Variants in ARMC5 observed in about 807,000 individuals in gnomAD.
ARMC5 encodes the protein armadillo repeat containing 5, also known as armadillo repeat-containing protein 5.
ARMC5 carries 28 observed loss-of-function variants against 60.5 expected under a neutral mutation model. The ratio of observed to expected loss-of-function variants is 0.46; its 90% CI spans 0.34 to 0.63. The LOEUF is 0.63. Among genes scored for constraint, ARMC5 ranks in the 30% least tolerant of loss-of-function variants. ARMC5 has a pLI of 0.01. For missense variants in ARMC5, 1,189 were observed against 1,304.9 expected, an observed-to-expected ratio of 0.91 and a Z score of 1.37; for synonymous variants, 680 against 607.3, an observed-to-expected ratio of 1.12 and a Z score of -1.76.
At chr16:31,460,484 TAAA>T (rs1234120243) in intron 1 of ARMC5, among the ~76,000 whole-genome samples, 1 of 152,076 alleles carries the variant, frequency 6.6e-6, no homozygotes, top group Non-Finnish European at 1.5e-5. Flanking sequence ...AATAGCTACC[TAAA>T]AAAATCAGAG....
chr16:31,462,739 C>G lies in ARMC5; in HGVS notation c.1192C>G (p.Leu398Val). The G allele has an allele frequency of 1.2e-6, 2 of 1,613,816 alleles. No homozygotes were observed. Among genetic ancestry groups the G allele is most frequent in the Non-Finnish European group, 1.7e-6 (2 of 1,180,032 alleles). ...PRIVAALVGF[L>V]YDTGALGRLQ... ...TATTGTGGCTGCCCTTGTGGGGTTT[C>G]TGTATGACACTGGGGCCCTGGGCCG... Residue 398 changes from leucine (L) to valine (V), a missense_variant, in exon 3 of 6, where the codon CTG becomes GTG. By Grantham distance (32) the Leu-to-Val change is conservative. Transcript: ENST00000268314. This position sits in a 1 kb window ranked among gnomAD's most constrained non-coding sequence, Gnocchi z 7.2.
intron 1 of ARMC5, chr16:31,460,274 A>T: frequency 2.2e-6 from 1 of 456,916 alleles, no homozygotes; most frequent in Non-Finnish European, 3.9e-6. Context: ...CCAAAGAGTT[A>T]TTTGGTGATT....
intron 4 of ARMC5, chr16:31,465,586 G>C (rs998753417): frequency 7.6e-7 from 1 of 1,323,828 alleles, no homozygotes; most frequent in African/African-American, 1.5e-5. Context: ...GGAACAGCTC[G>C]TGTCCTCCGT....
Position 31,459,606 on chromosome 16 carries a change from G to C in ARMC5, c.82G>C (p.Gly28Arg). Residue 28 changes from glycine (G) to arginine (R), a missense_variant, in exon 1 of 6, where the codon GGT (glycine) becomes CGT (arginine). Gly to Arg is a moderately radical substitution (Grantham distance 125). Transcript: ENST00000268314. ...CGCGGCGGCGGCCGGGGAGGCTCTG[G>C]GTGGGGAAAAGGACCCAGCGACCAA... ...QLAAAAGEALGGEKDPATNET... is the reference protein window; with the variant it reads ...QLAAAAGEALRGEKDPATNET... 6.2e-7 allele frequency: 1 copy of C among 1,600,630 alleles called. No homozygotes were observed. The highest frequency in any genetic ancestry group is 8.5e-7 in the Non-Finnish European group (1 of 1,179,418).
chr16:31,460,193 G>T, intron 1 of ARMC5, 194 bp downstream of exon 1: 1 of 572,234 alleles, frequency 1.7e-6, no homozygotes, highest in Non-Finnish European at 2.9e-6. Flanking sequence ...AGCCCTCCCA[G>T]ACCAGATAAT....
In ARMC5 at chr16:31,459,521, C is replaced by G; in HGVS notation, c.-4C>G. The stretch of plus-strand genomic sequence containing the variant: ...GCGGGGCGGAGTCTGAGGCCCGAGC[C>G]AAGATGGCGGCTGCGAAGCCAACCC... On this transcript the variant is annotated 5_prime_UTR_variant, in exon 1 of 6. Coordinates refer to ENST00000268314, the MANE Select transcript of ARMC5 (RefSeq NM_001105247.2). The G allele has an allele frequency of 1.9e-6, 3 of 1,601,014 alleles. No individual in the cohort carries two copies. Among genetic ancestry groups the G allele is most frequent in the South Asian group, 1.1e-5 (1 of 89,068 alleles).
At position 31,459,541 on chromosome 16, in the gene ARMC5, C is replaced by T. The variant is rs1200822585; in HGVS notation, c.17C>T (p.Pro6Leu). The change falls in exon 1 of 6, where the codon CCA (proline) becomes CTA (leucine). Residue 6 changes from proline to leucine, a missense_variant. Around this residue, in one of 2 missense-constraint regions of ARMC5, gnomAD observed 327 missense variants for 233.7 expected, o/e 1.40. Transcript: ENST00000268314. ...CGAGCCAAGATGGCGGCTGCGAAGC[C>T]AACCCTCACGGACTCGCTCTCGTTC... MAAAK[P>L]TLTDSLSFCL... is the part of the protein sequence containing the mutation. 2.5e-6 allele frequency: 4 copies of T among 1,605,428 alleles called. No homozygotes were observed. In the Admixed American group the frequency reaches 6.7e-5, roughly 27 times the overall value.
chr16:31,458,466 G>A (rs1344774106), upstream of ARMC5: 5 of 1,535,616 alleles, frequency 3.3e-6, no homozygotes, highest in African/African-American at 4.1e-5. Flanking sequence ...CCAGATCAGA[G>A]CCACATCGGA....
chr16:31,462,068 G>T lies in ARMC5; in HGVS notation c.583+39G>T, dbSNP rs1465988961. On this transcript the variant is annotated intron_variant, in intron 2 of 5. Coordinates refer to ENST00000268314, the MANE Select transcript of ARMC5 (RefSeq NM_001105247.2). The surrounding 1 kb of genome is among the most constrained non-coding windows in gnomAD (Gnocchi z 7.2). The stretch of plus-strand genomic sequence containing the variant: ...AGGTTGGGGTCTGCTAGGGCTTGGG[G>T]CAGAAGAAAGGCTTGAGTGTCTGTC... 1 of 1,613,472 alleles carries T rather than the reference G, an allele frequency of 6.2e-7. No individual in the cohort carries two copies. The highest frequency in any genetic ancestry group is 8.5e-7 in the Non-Finnish European group (1 of 1,179,458).
At chr16:31,459,487 C>G (rs930518741), upstream of ARMC5, 4 of 1,576,594 alleles carry the variant, frequency 2.5e-6, no homozygotes, top group Non-Finnish European at 3.4e-6. Context: ...CTGGGATCAG[C>G]GGCGAGAAGC....
chr16:31,461,886 G>A (rs1224230172), intron 1 of ARMC5, 36 bp from the exon 2 acceptor site: 8 of 1,573,420 alleles, frequency 5.1e-6, no homozygotes, highest in African/African-American at 1.4e-5. Flanking sequence ...AGACAGTAAG[G>A]GGTAGAACCC....
chr16:31,459,974 C>G lies in ARMC5; in HGVS notation c.450C>G (p.Arg150=). The change falls in exon 1 of 6, where the codon CGC becomes CGG. Residue 150 remains arginine, a synonymous_variant. Coordinates refer to ENST00000268314, the MANE Select transcript of ARMC5 (RefSeq NM_001105247.2). ...AAGGGGCGTGCCGGACCGAAGTGCG[C>G]AGACTCGGAGGCATACTCCCTTTGG... is the stretch of plus-strand genomic sequence containing the variant. ...CTEGACRTEV[R]RLGGILPLVT... 1 of 1,600,020 alleles carries G rather than the reference C, an allele frequency of 6.2e-7. No individual in the cohort carries two copies.
rs543818575 is a variant in ARMC5 at position 31,465,682 on chromosome 16, C to T, written c.1865-168C>T. On this transcript the variant is annotated intron_variant, in intron 4 of 5. Coordinates refer to ENST00000268314, the MANE Select transcript of ARMC5 (RefSeq NM_001105247.2). Reference sequence around the variant, plus strand: ...TGACTGTCCCACCTTCTGTCCTTGTCCTGGACCTCAGGTTCCCAGCGTCCC... The same window carrying T: ...TGACTGTCCCACCTTCTGTCCTTGTTCTGGACCTCAGGTTCCCAGCGTCCC... The T allele has an allele frequency of 3.3e-5, 47 of 1,444,810 alleles. No homozygotes were observed. The African/African-American group carries it at 5.9e-4, about 18-fold the overall frequency. 89.5% of individuals were successfully genotyped at this position (1,444,810 alleles called of 1,614,324 possible).
chr16:31,464,855 G>T lies in ARMC5; in HGVS notation c.1832G>T (p.Arg611Leu), dbSNP rs749059520. Residue 611 changes from arginine (R) to leucine (L), a missense_variant, in exon 4 of 6, where the codon CGG (arginine) becomes CTG (leucine). Transcript: ENST00000268314. This position sits in a 1 kb window ranked among gnomAD's most constrained non-coding sequence, Gnocchi z 7.6. The stretch of plus-strand genomic sequence containing the variant: ...GACGATTGGCCGGCACCACGTGCCC[G>T]GCCCACTCTCCACAGCCGGCACCGA... ...APDDWPAPRARPTLHSRHREL... is the reference protein window; with the variant it reads ...APDDWPAPRALPTLHSRHREL... The T allele has an allele frequency of 1.3e-6, 2 of 1,599,154 alleles. No homozygotes were observed. Among genetic ancestry groups the T allele is most frequent in the East Asian group, 2.2e-5 (1 of 44,726 alleles).
Position 31,466,872 on chromosome 16 carries a change from G to A in ARMC5, c.2791G>A (p.Ala931Thr), listed in dbSNP as rs759162775. Reference sequence around the variant, plus strand: ...TGTGGTGATGGGGATTGAGTTGGGGGCAAGGGTCCCTGCCTAGACTGTTGA... The same window carrying A: ...TGTGGTGATGGGGATTGAGTTGGGGACAAGGGTCCCTGCCTAGACTGTTGA... Reference protein sequence around the residue: ...LAVVMGIELGARVPA With the variant: ...LAVVMGIELGTRVPA Residue 931 changes from alanine to threonine, a missense_variant, in exon 6 of 6, where the codon GCA (alanine) becomes ACA (threonine). Ala to Thr is a moderately conservative substitution (Grantham distance 58). This residue lies in a region of ARMC5 where 862 missense variants were observed against 1,071.2 expected (regional missense o/e 0.80). Coordinates refer to ENST00000268314, the MANE Select transcript of ARMC5 (RefSeq NM_001105247.2). This position sits in a 1 kb window ranked among gnomAD's most constrained non-coding sequence, Gnocchi z 8.0. 11 of 1,570,346 alleles carry A rather than the reference G, an allele frequency of 7.0e-6. No individual in the cohort carries two copies. Among genetic ancestry groups the A allele is most frequent in the Non-Finnish European group, 8.6e-6 (10 of 1,160,870 alleles).
At position 31,464,262 on chromosome 16, in the gene ARMC5, C is replaced by A; in HGVS notation, c.1371-132C>A. ...CTAGGATCCCACAACTGCATTCCAG[C>A]CTGGGCTATAGAGGGATACCACATT... On this transcript the variant is annotated intron_variant, in intron 3 of 5. Coordinates refer to ENST00000268314, the MANE Select transcript of ARMC5 (RefSeq NM_001105247.2). This position sits in a 1 kb window ranked among gnomAD's most constrained non-coding sequence, Gnocchi z 7.6. 1.3e-6 allele frequency: 1 copy of A among 768,952 alleles called. No homozygotes were observed. Among genetic ancestry groups the A allele is most frequent in the Non-Finnish European group, 1.9e-6 (1 of 531,180 alleles). The allele number at this position is 768,952 out of a possible 1,614,324, so 47.6% of individuals were successfully genotyped here.
At chr16:31,458,481 T>C (rs1226164353), upstream of ARMC5, 1 of 1,535,718 alleles carries the variant, frequency 6.5e-7, no homozygotes, top group African/African-American at 1.4e-5. Flanking sequence ...ATCGGAAGCT[T>C]CTGCCATAAC....
At position 31,462,764 on chromosome 16, in the gene ARMC5, G is replaced by A. The variant is rs749775865; in HGVS notation, c.1217G>A (p.Arg406Gln). 1.2e-5 allele frequency: 20 copies of A among 1,613,796 alleles called. No individual in the cohort carries two copies. In the Admixed American group the frequency reaches 1.5e-4, roughly 12 times the overall value. ...CTGTATGACACTGGGGCCCTGGGCC[G>A]GCTGCAGGCTCTGGGACTTGTGCCT... The part of the protein sequence containing the change: ...GFLYDTGALG[R>Q]LQALGLVPLL... The change falls in exon 3 of 6, where the codon CGG (arginine) becomes CAG (glutamine). Residue 406 changes from arginine (R) to glutamine (Q), a missense_variant. Physicochemically the swap from Arg to Gln is conservative, Grantham distance 43 (BLOSUM62 1). Transcript: ENST00000268314. This position sits in a 1 kb window ranked among gnomAD's most constrained non-coding sequence, Gnocchi z 7.2.
chr16:31,462,821 G>A lies in ARMC5; in HGVS notation c.1274G>A (p.Gly425Asp). The A allele has an allele frequency of 1.3e-5, 21 of 1,614,062 alleles. No individual in the cohort carries two copies. The highest frequency in any genetic ancestry group is 1.8e-5 in the Non-Finnish European group (21 of 1,180,016). The change falls in exon 3 of 6, where the codon GGT (glycine) becomes GAT (aspartate). Residue 425 changes from glycine to aspartate, a missense_variant. Gly to Asp is a moderately conservative substitution (Grantham distance 94). Transcript: ENST00000268314. The surrounding 1 kb of genome is among the most constrained non-coding windows in gnomAD (Gnocchi z 7.2). ...GCTGGGCAGCTGTGTGGTGAGGCTG[G>A]TGAGGAGGAAGAAGAGGGAAGAGAA... ...LLAGQLCGEA[G>D]EEEEEGREAA...
Sources: gnomAD v4.1 joint callset for allele counts (sites outside exome capture counted in the v4.1 genomes callset) on GRCh38, gnomAD v4.1.1 for gene constraint, gnomAD v4.1.1 regional missense constraint, Gnocchi (gnomAD v3.1) non-coding constraint, MANE v1.5 for transcripts, NCBI Gene and HGNC (gene_info 2026-07-23, HGNC 2026-07-21) for gene names.